Variants in CACNA2D4 observed in about 807,000 individuals in gnomAD.
CACNA2D4 encodes the protein voltage-dependent calcium channel subunit alpha-2/delta-4.
A neutral mutation model predicts 163.8 loss-of-function variants in CACNA2D4; 157 were observed. The observed-to-expected ratio is 0.96, with a 90% CI of 0.84 to 1.09. The LOEUF is 1.09. Ranked by LOEUF, CACNA2D4 falls within the 50% of genes least tolerant of loss-of-function variation. The probability of loss-of-function intolerance (pLI) is 0.00; values close to 1 mark genes in which losing one functional copy is unlikely to be tolerated. For missense variants in CACNA2D4, 1,410 were observed against 1,479.9 expected, an observed-to-expected ratio of 0.95 and a Z score of 0.78; for synonymous variants, 598 against 586.9, an observed-to-expected ratio of 1.02 and a Z score of -0.27.
intron 26 of CACNA2D4, 99 bp downstream of exon 26, chr12:1,840,640 G>A: frequency 1.1e-6 from 1 of 936,306 alleles, no homozygotes; most frequent in Non-Finnish European, 1.7e-6. Flanking sequence ...CAGGACTGTG[G>A]CCCTGGCCAC....
rs1865075923 is a variant in CACNA2D4, at chr12:1,843,451, A to G, written c.2470+951T>C. Among the ~76,000 whole-genome samples, 1 of 152,158 alleles carries G rather than the reference A, an allele frequency of 6.6e-6. No individual in the cohort carries two copies. The highest frequency in any genetic ancestry group is 1.5e-5 in the Non-Finnish European group (1 of 68,012). ...CTTTTAGAAGTCTCCACACTCCTGCATCCCCTCCTGGGGCTCACCCCACCT... is the reference window on the plus strand; with the variant it reads ...CTTTTAGAAGTCTCCACACTCCTGCGTCCCCTCCTGGGGCTCACCCCACCT... On this transcript the variant is annotated intron_variant, in intron 25 of 37. Transcript: ENST00000382722. This position sits in a 1 kb window ranked among gnomAD's most constrained non-coding sequence, Gnocchi z 4.6.
chr12:1,793,448 A>G lies in CACNA2D4; in HGVS notation c.*207T>C. The G allele has an allele frequency of 1.6e-6, 1 of 623,752 alleles. No homozygotes were observed. The highest frequency in any genetic ancestry group is 2.5e-5 in the Admixed American group (1 of 40,540). The allele number at this position is 623,752 out of a possible 1,614,324, so 38.6% of individuals were successfully genotyped here. ...CCTAGGGCAGATGGTACCGGGCACCATGAAGCATCTTGAAAGTGGTGCCAG... is the reference window on the plus strand; with the variant it reads ...CCTAGGGCAGATGGTACCGGGCACCGTGAAGCATCTTGAAAGTGGTGCCAG... On this transcript the variant is annotated 3_prime_UTR_variant, in exon 38 of 38. Coordinates refer to ENST00000382722, the MANE Select transcript of CACNA2D4 (RefSeq NM_172364.5).
intron 26 of CACNA2D4, among the ~76,000 whole-genome samples, chr12:1,812,423 C>T (rs1018747278): frequency 6.6e-6 from 1 of 152,200 alleles, no homozygotes; most frequent in African/African-American, 2.4e-5. Context: ...CAGGTGCTCA[C>T]ATATCCAGAG....
At position 1,878,282 on chromosome 12, in the gene CACNA2D4, A is replaced by C; in HGVS notation, c.1719+33T>G. On this transcript the variant is annotated intron_variant, in intron 16 of 37. Transcript: ENST00000382722. This position sits in a 1 kb window ranked among gnomAD's most constrained non-coding sequence, Gnocchi z 4.6. ...GAATTACCCCCAAATCCCATACAGT[A>C]AGGATCCCAAGGCAAAGAAGATCTG... The C allele has an allele frequency of 6.3e-7, 1 of 1,592,152 alleles. No individual in the cohort carries two copies. Among genetic ancestry groups the C allele is most frequent in the African/African-American group, 1.3e-5 (1 of 74,692 alleles).
intron 26 of CACNA2D4, among the ~76,000 whole-genome samples, chr12:1,822,952 C>T (rs375794774): frequency 6.6e-6 from 1 of 152,222 alleles, no homozygotes; most frequent in African/African-American, 2.4e-5. Context: ...AAGGGCACGG[C>T]CCCTGCAGGC....
intron 6 of CACNA2D4, among the ~76,000 whole-genome samples, chr12:1,895,794 A>G (rs1866388852): frequency 6.6e-6 from 1 of 151,980 alleles, no homozygotes; most frequent in South Asian, 2.1e-4. Context: ...ACCACATGGC[A>G]CATGGTTACA....
intron 13 of CACNA2D4, among the ~76,000 whole-genome samples, chr12:1,881,269 G>A (rs115524648): frequency 7.2e-5 from 11 of 152,320 alleles, no homozygotes; most frequent in African/African-American, 2.2e-4. Flanking sequence ...GCGTCAGAAG[G>A]TCAGGCTGTC....
intron 26 of CACNA2D4, among the ~76,000 whole-genome samples, chr12:1,812,083 G>C (rs935922563): frequency 2.0e-5 from 3 of 152,182 alleles, no homozygotes; most frequent in Non-Finnish European, 4.4e-5. Flanking sequence ...TGGGAATATA[G>C]AGGCCAGAGA....
intron 23 of CACNA2D4, among the ~76,000 whole-genome samples, chr12:1,851,680 T>TGTGTGTGTGTGTG (rs55736421): frequency 1.1e-4 from 3 of 26,758 alleles, no homozygotes; most frequent in Admixed American, 4.6e-4. Flanking sequence ...TGTGTGTGCG[T>TGTGTGTGTGTGTG]TTTTTTTTTT....
chr12:1,869,313 G>C lies in CACNA2D4; in HGVS notation c.1878+5291C>G, dbSNP rs553608951. On this transcript the variant is annotated intron_variant, in intron 18 of 37. Transcript: ENST00000382722. The surrounding 1 kb of genome is among the most constrained non-coding windows in gnomAD (Gnocchi z 4.7). ...CACTGAAGTCCGCACAGAATACCAG[G>C]CTCTGCCACTCTTTGCTGTAACCTA... Among the ~76,000 whole-genome samples the C allele has an allele frequency of 1.3e-4, 20 of 152,320 alleles. No homozygotes were observed. In the South Asian group the frequency reaches 3.3e-3, roughly 25 times the overall value.
chr12:1,907,816 G>C (rs923772548), intron 5 of CACNA2D4, 59 bp downstream of exon 5: 2 of 1,584,224 alleles, frequency 1.3e-6, no homozygotes, highest in Non-Finnish European at 8.6e-7. Flanking sequence ...GGGCGTGTCT[G>C]GTGGGTGTGC....
At chr12:1,884,363 G>T in intron 11 of CACNA2D4, 42 bp from the exon 12 acceptor site, 1 of 1,503,106 alleles carries the variant, frequency 6.7e-7, no homozygotes, top group Non-Finnish European at 9.2e-7. Context: ...CAAAATTCCC[G>T]GCCATAAGTA....
intron 26 of CACNA2D4, chr12:1,831,532 G>T (rs768778260): frequency 6.2e-7 from 1 of 1,607,172 alleles, no homozygotes; most frequent in South Asian, 1.1e-5. Context: ...CGAGGTGAGC[G>T]CAGCCGGCCC....
rs1217474901 is a variant in CACNA2D4, at chr12:1,883,041, T to TC, written c.1352-42dup. On this transcript the variant is annotated intron_variant, in intron 12 of 37. Coordinates refer to ENST00000382722, the MANE Select transcript of CACNA2D4 (RefSeq NM_172364.5). The surrounding 1 kb of genome is among the most constrained non-coding windows in gnomAD (Gnocchi z 4.5). ...CCGCGTGGGTGTGGAAGGCAGGGCT[T>TC]CCCTGGGAACCCCTCGCCAGGGCCT... is the stretch of plus-strand genomic sequence containing the variant. 1 of 1,593,428 alleles carries TC rather than the reference T, an allele frequency of 6.3e-7. No homozygotes were observed. Among genetic ancestry groups the TC allele is most frequent in the African/African-American group, 1.3e-5 (1 of 74,612 alleles).
At chr12:1,813,343 CT>C (rs1012899305) in intron 26 of CACNA2D4, among the ~76,000 whole-genome samples, 25 of 152,168 alleles carry the variant, frequency 1.6e-4, no homozygotes, top group African/African-American at 5.5e-4. Flanking sequence ...GTTGCCGATG[CT>C]GCTAGTCCAG....
intron 26 of CACNA2D4, among the ~76,000 whole-genome samples, chr12:1,813,357 A>G (rs1350387133): frequency 1.3e-5 from 2 of 152,014 alleles, no homozygotes; most frequent in Non-Finnish European, 2.9e-5. Flanking sequence ...TAGTCCAGGC[A>G]CTATATTTAG....
At chr12:1,889,472 G>A (rs1866226814) in intron 6 of CACNA2D4, among the ~76,000 whole-genome samples, 1 of 152,088 alleles carries the variant, frequency 6.6e-6, no homozygotes, top group African/African-American at 2.4e-5. Context: ...ACTGAGTAGA[G>A]AGCAAAAATA....
intron 18 of CACNA2D4, among the ~76,000 whole-genome samples, chr12:1,862,043 T>A (rs1865536687): frequency 6.6e-6 from 1 of 152,254 alleles, no homozygotes; most frequent in African/African-American, 2.4e-5. Flanking sequence ...TATATTGCTG[T>A]CCGTCCAGTA....
chr12:1,916,726 T>A (rs1020086715), intron 1 of CACNA2D4, among the ~76,000 whole-genome samples: 1 of 152,036 alleles, frequency 6.6e-6, no homozygotes, highest in Non-Finnish European at 1.5e-5. Flanking sequence ...GCCAGGAATG[T>A]CTCCTGGATT....
Sources: allele counts gnomAD v4.1 joint callset (sites outside exome capture counted in the v4.1 genomes callset), GRCh38; gene constraint gnomAD v4.1.1; non-coding constraint Gnocchi (gnomAD v3.1); transcripts MANE v1.5; gene names NCBI Gene and HGNC (gene_info 2026-07-23, HGNC 2026-07-21).